TMEM131L: variants seen among roughly 807,000 people sequenced by gnomAD.
TMEM131L encodes transmembrane protein 131-like.
In TMEM131L, 54 loss-of-function variants were observed where a neutral mutation model predicts 192.2. The ratio of observed to expected loss-of-function variants is 0.28; its 90% CI spans 0.23 to 0.35. The LOEUF is 0.35. Ranked by LOEUF, TMEM131L falls within the 10% of genes least tolerant of loss-of-function variation. TMEM131L has a pLI of 1.00. For synonymous variants in TMEM131L, 701 were observed against 704.9 expected (o/e 0.99, Z 0.09); for missense variants, 1,888 against 1,972.9 (o/e 0.96, Z 0.82).
intron 3 of TMEM131L, among the ~76,000 whole-genome samples, chr4:153,479,338 TC>T (rs1302403677): frequency 6.6e-6 from 1 of 152,250 alleles, no homozygotes; most frequent in African/African-American, 2.4e-5. Flanking sequence ...TTCCTCTTCA[TC>T]CCCATTTTTC....
chr4:153,636,089 C>T (rs754580643), intron 34 of TMEM131L, among the ~76,000 whole-genome samples: 4 of 152,166 alleles, frequency 2.6e-5, no homozygotes, highest in Admixed American at 6.5e-5. Flanking sequence ...GGTTCTTCCC[C>T]GGGTTGCAAA....
intron 16 of TMEM131L, among the ~76,000 whole-genome samples, chr4:153,589,984 G>A (rs1485713340): frequency 6.6e-6 from 1 of 152,148 alleles, no homozygotes; most frequent in East Asian, 1.9e-4. Flanking sequence ...ATTTTCTTAT[G>A]TATAACTATA....
At chr4:153,551,498 T>C (rs76824847) in intron 4 of TMEM131L, among the ~76,000 whole-genome samples, 32 of 152,144 alleles carry the variant, frequency 2.1e-4, no homozygotes, top group African/African-American at 7.2e-4. Context: ...GGTGGGACTA[T>C]GGGTGCCCGC....
rs183881006 is a variant in TMEM131L at position 153,550,216 on chromosome 4, G to A, written c.308+75G>A. On this transcript the variant is annotated intron_variant, in intron 4 of 34. Transcript: ENST00000409959. ...TTTTCAGAATTTTTTTTACATATAT[G>A]TACAATGTTAAATTTTAGGTATATT... 2.7e-4 allele frequency: 158 copies of A among 591,366 alleles called. No homozygotes were observed. The East Asian group carries it at 3.4e-3, about 13-fold the overall frequency. The allele number at this position is 591,366 out of a possible 1,614,324, so 36.6% of individuals were successfully genotyped here. A position where few individuals can be genotyped will look rare whatever the true frequency, so the allele number is the denominator to read the frequency against.
chr4:153,596,526 T>C, intron 20 of TMEM131L, 141 bp downstream of exon 20: 2 of 1,009,336 alleles, frequency 2.0e-6, no homozygotes, highest in Non-Finnish European at 2.9e-6. Flanking sequence ...AAGTGGAAGC[T>C]GAGAAAGAGG....
At chr4:153,596,138 A>G in intron 19 of TMEM131L, 120 bp from the exon 20 acceptor site, 1 of 1,162,884 alleles carries the variant, frequency 8.6e-7, no homozygotes, top group Non-Finnish European at 1.2e-6. Context: ...CAGGTTGATT[A>G]GGAGGATCAA....
chr4:153,599,997 C>T (rs1163407310), intron 21 of TMEM131L, among the ~76,000 whole-genome samples: 2 of 152,086 alleles, frequency 1.3e-5, no homozygotes, highest in African/African-American at 2.4e-5. Context: ...AAGATCGTGC[C>T]GGTGTACTCC....
intron 3 of TMEM131L, among the ~76,000 whole-genome samples, chr4:153,474,309 G>A (rs1168315569): frequency 1.3e-5 from 2 of 152,230 alleles, no homozygotes. Context: ...TTAGTTTCCT[G>A]TAGTAGAGAA....
At chr4:153,622,861 T>C in intron 28 of TMEM131L, 37 bp from the exon 29 acceptor site, 1 of 1,604,702 alleles carries the variant, frequency 6.2e-7, no homozygotes, top group Non-Finnish European at 8.5e-7. Context: ...GGTTGACAGT[T>C]GTTTCAGGGA....
At chr4:153,518,246 C>A (rs1734870256) in intron 3 of TMEM131L, among the ~76,000 whole-genome samples, 1 of 152,176 alleles carries the variant, frequency 6.6e-6, no homozygotes, top group South Asian at 2.1e-4. Context: ...TAGGACTGAA[C>A]ACTTGCACAT....
intron 3 of TMEM131L, among the ~76,000 whole-genome samples, chr4:153,504,998 G>A (rs986998415): frequency 6.6e-6 from 1 of 152,108 alleles, no homozygotes; most frequent in Non-Finnish European, 1.5e-5. Context: ...CAGAGCAAAT[G>A]TCAGGGAACT....
intron 2 of TMEM131L, among the ~76,000 whole-genome samples, chr4:153,471,520 G>GTTA (rs1218228297): frequency 6.6e-6 from 1 of 152,194 alleles, no homozygotes; most frequent in African/African-American, 2.4e-5. Flanking sequence ...CAGGTGGAAT[G>GTTA]CCTTAAATGG....
At chr4:153,624,392 T>G (rs1561255019) in intron 29 of TMEM131L, among the ~76,000 whole-genome samples, 1 of 152,262 alleles carries the variant, frequency 6.6e-6, no homozygotes, top group Non-Finnish European at 1.5e-5. Flanking sequence ...GTGCCGGGAT[T>G]ACAGGCGTGG....
chr4:153,510,878 C>A (rs1254490232), intron 3 of TMEM131L, among the ~76,000 whole-genome samples: 1 of 151,166 alleles, frequency 6.6e-6, no homozygotes, highest in Non-Finnish European at 1.5e-5. Context: ...TGTAGTGAGA[C>A]CCTGTCTCAA....
At chr4:153,621,027 A>G (rs533963965) in intron 27 of TMEM131L, 147 bp downstream of exon 27, 2 of 574,216 alleles carry the variant, frequency 3.5e-6, no homozygotes, top group Admixed American at 3.8e-5. Context: ...ATTAAAATAC[A>G]TTTGTAAAAT....
At chr4:153,631,423 A>G (rs1578909724) in intron 31 of TMEM131L, among the ~76,000 whole-genome samples, 1 of 152,078 alleles carries the variant, frequency 6.6e-6, no homozygotes, top group African/African-American at 2.4e-5. Context: ...GGGATATTTA[A>G]TCACAGAATA....
intron 28 of TMEM131L, 128 bp downstream of exon 28, chr4:153,621,977 G>A (rs1733448909): frequency 1.1e-6 from 1 of 896,544 alleles, no homozygotes; most frequent in Non-Finnish European, 1.7e-6. Flanking sequence ...AATAACTAAA[G>A]CCCCAGTGGA....
intron 25 of TMEM131L, among the ~76,000 whole-genome samples, chr4:153,607,129 G>T (rs890274642): frequency 1.3e-5 from 2 of 152,138 alleles, no homozygotes; most frequent in African/African-American, 4.8e-5. Flanking sequence ...CTGAAGGGAG[G>T]GTTTGGAGTT....
rs773546357 is a variant in TMEM131L at position 153,626,143 on chromosome 4, G to T, written c.4046-4G>T. 1.3e-6 allele frequency: 2 copies of T among 1,597,774 alleles called. No individual in the cohort carries two copies. The highest frequency in any genetic ancestry group is 1.7e-6 in the Non-Finnish European group (2 of 1,166,052). ...CTTGTGATAATGTGTTTCTTTTAAT[G>T]CAGGAGACAGTGTTTCACAAAATGA... On this transcript the variant is annotated splice_region_variant and splice_polypyrimidine_tract_variant and intron_variant, in intron 29 of 34. Coordinates refer to ENST00000409959, the MANE Select transcript of TMEM131L (RefSeq NM_001131007.2).
Sources: allele counts gnomAD v4.1 joint callset (sites outside exome capture counted in the v4.1 genomes callset), GRCh38; gene constraint gnomAD v4.1.1; transcripts MANE v1.5; gene names NCBI Gene and HGNC (gene_info 2026-07-23, HGNC 2026-07-21).